Variants in ZNF521 observed in about 807,000 individuals in gnomAD.
The protein encoded by ZNF521 is LYST-interacting protein 3.
ZNF521 carries 14 observed loss-of-function variants against 105.5 expected under a neutral mutation model. The ratio of observed to expected loss-of-function variants is 0.13; its 90% CI spans 0.09 to 0.21. The LOEUF (loss-of-function observed/expected upper bound fraction) is 0.21. Ranked by LOEUF, ZNF521 falls within the 10% of genes least tolerant of loss-of-function variation. The pLI, the probability that ZNF521 is intolerant of heterozygous loss-of-function variation, is 1.00. For missense variants in ZNF521, 1,233 were observed against 1,629.7 expected (o/e 0.76, Z 4.19); for synonymous variants, 635 against 606.0 (o/e 1.05, Z -0.70).
intron 5 of ZNF521, among the ~76,000 whole-genome samples, chr18:25,193,666 C>T (rs560597859): frequency 6.6e-6 from 1 of 152,100 alleles, no homozygotes; most frequent in South Asian, 2.1e-4. Flanking sequence ...TTTTTACAAT[C>T]TCAAACAGAA....
chr18:25,215,834 C>T (rs1170574885), intron 4 of ZNF521, among the ~76,000 whole-genome samples: 2 of 152,126 alleles, frequency 1.3e-5, no homozygotes, highest in Non-Finnish European at 1.5e-5. Flanking sequence ...CACATTCCAA[C>T]CCATGGTACT....
chr18:25,259,322 A>G (rs1358131961), intron 3 of ZNF521, among the ~76,000 whole-genome samples: 1 of 152,184 alleles, frequency 6.6e-6, no homozygotes, highest in Non-Finnish European at 1.5e-5. Flanking sequence ...TTTGTAATTT[A>G]GCAGAAAAGA....
At chr18:25,309,379 T>G (rs1339205048) in intron 3 of ZNF521, among the ~76,000 whole-genome samples, 1 of 152,036 alleles carries the variant, frequency 6.6e-6, no homozygotes, top group Non-Finnish European at 1.5e-5. Context: ...AACAAATCAA[T>G]GGACTAAGGC....
intron 5 of ZNF521, among the ~76,000 whole-genome samples, chr18:25,112,186 C>CTGCA (rs2034204471): frequency 6.6e-6 from 1 of 152,212 alleles, no homozygotes; most frequent in Admixed American, 6.5e-5. Context: ...GCATACATAT[C>CTGCA]TGCATACATA....
intron 4 of ZNF521, chr18:25,201,679 G>A (rs1236989189): frequency 6.6e-6 from 1 of 151,966 alleles, no homozygotes; most frequent in Non-Finnish European, 1.5e-5. Flanking sequence ...TGTCAGATTT[G>A]GTCACAACCC....
intron 2 of ZNF521, among the ~76,000 whole-genome samples, chr18:25,331,202 G>A (rs927443101): frequency 2.6e-5 from 4 of 151,982 alleles, no homozygotes; most frequent in South Asian, 2.1e-4. Flanking sequence ...ATCTTAAACC[G>A]AGCCTCAAGG....
intron 3 of ZNF521, among the ~76,000 whole-genome samples, chr18:25,264,552 A>T (rs971725466): frequency 6.6e-6 from 1 of 152,202 alleles, no homozygotes; most frequent in African/African-American, 2.4e-5. Flanking sequence ...TGAGTTTCCT[A>T]AGATCAATAT....
Position 25,116,114 on chromosome 18 carries a change from C to T in ZNF521, c.3659-24033G>A, listed in dbSNP as rs549445446. On this transcript the variant is annotated intron_variant, in intron 5 of 7. Coordinates refer to ENST00000361524, the MANE Select transcript of ZNF521 (RefSeq NM_015461.3). Reference sequence around the variant, plus strand: ...AGCGATCTGTTGTGATGGTATTCTCCTGTGGCACTGGAGCACTGTAGAACT... The same window carrying T: ...AGCGATCTGTTGTGATGGTATTCTCTTGTGGCACTGGAGCACTGTAGAACT... Among the ~76,000 whole-genome samples, 19 of 152,232 alleles carry T rather than the reference C, an allele frequency of 1.2e-4. No homozygotes were observed. The South Asian group carries it at 3.9e-3, about 32-fold the overall frequency.
intron 5 of ZNF521, among the ~76,000 whole-genome samples, chr18:25,166,098 TAA>T (rs1314109648): frequency 6.6e-6 from 1 of 152,232 alleles, no homozygotes; most frequent in East Asian, 1.9e-4. Context: ...ATCCATTTTT[TAA>T]AGTTTTCCTT....
intron 3 of ZNF521, among the ~76,000 whole-genome samples, chr18:25,280,732 T>C (rs1910313741): frequency 1.3e-5 from 2 of 152,210 alleles, no homozygotes; most frequent in South Asian, 4.1e-4. Flanking sequence ...ATCAATTCTT[T>C]TCTCTGTAAA....
intron 7 of ZNF521, among the ~76,000 whole-genome samples, chr18:25,073,093 T>G (rs1223079234): frequency 6.6e-6 from 1 of 152,014 alleles, no homozygotes; most frequent in Non-Finnish European, 1.5e-5. Flanking sequence ...GAATACAAAT[T>G]TCCTCTCCGC....
intron 7 of ZNF521, among the ~76,000 whole-genome samples, chr18:25,073,457 T>A (rs961223480): frequency 1.3e-5 from 2 of 152,234 alleles, no homozygotes; most frequent in African/African-American, 4.8e-5. Flanking sequence ...TTCACTTCCG[T>A]GTTTGAAATC....
At chr18:25,285,703 C>T (rs1214977799) in intron 3 of ZNF521, among the ~76,000 whole-genome samples, 1 of 117,884 alleles carries the variant, frequency 8.5e-6, no homozygotes, top group Non-Finnish European at 1.6e-5. Context: ...CTCTCTCACA[C>T]ACACACACAC....
At chr18:25,206,669 C>T (rs750588245) in intron 4 of ZNF521, among the ~76,000 whole-genome samples, 6 of 152,094 alleles carry the variant, frequency 3.9e-5, no homozygotes, top group Non-Finnish European at 7.4e-5. Flanking sequence ...TTTCTCTTAG[C>T]AGTTCTTACT....
In ZNF521 at chr18:25,335,091, A is replaced by G. The variant is rs570632614; in HGVS notation, c.41-12904T>C. 2.9e-4 allele frequency among the ~76,000 whole-genome samples: 44 copies of G among 152,302 alleles called. No individual in the cohort carries two copies. The South Asian group carries it at 8.7e-3, about 30-fold the overall frequency. ...CCGATTGTGCACACAGGACCAAAGC[A>G]CTGAGACATTCCACTGCTCAGACTA... On this transcript the variant is annotated intron_variant, in intron 2 of 7. Coordinates refer to ENST00000361524, the MANE Select transcript of ZNF521 (RefSeq NM_015461.3).
intron 3 of ZNF521, among the ~76,000 whole-genome samples, chr18:25,308,957 G>T (rs1912145463): frequency 1.3e-5 from 2 of 152,104 alleles, no homozygotes; most frequent in Admixed American, 1.3e-4. Context: ...CTTGTCAGTT[G>T]TAGTCTGGTG....
At chr18:25,168,782 C>T (rs1288162820) in intron 5 of ZNF521, among the ~76,000 whole-genome samples, 1 of 152,172 alleles carries the variant, frequency 6.6e-6, no homozygotes, top group African/African-American at 2.4e-5. Context: ...GACATATACA[C>T]CACTCTGTGT....
intron 5 of ZNF521, among the ~76,000 whole-genome samples, chr18:25,184,978 CA>C (rs1331893568): frequency 1.3e-5 from 2 of 152,096 alleles, no homozygotes; most frequent in Non-Finnish European, 2.9e-5. Flanking sequence ...AACAGTAGAC[CA>C]GGGGCGGGAA....
chr18:25,106,759 C>T (rs1414605693), intron 5 of ZNF521, among the ~76,000 whole-genome samples: 2 of 151,970 alleles, frequency 1.3e-5, no homozygotes, highest in East Asian at 3.9e-4. Flanking sequence ...TTTTAAAATC[C>T]TCTTATTTTA....
Sources: allele counts gnomAD v4.1 joint callset (sites outside exome capture counted in the v4.1 genomes callset), GRCh38; gene constraint gnomAD v4.1.1; transcripts MANE v1.5; gene names NCBI Gene and HGNC (gene_info 2026-07-23, HGNC 2026-07-21).